Variants in KCNJ11 observed in about 807,000 individuals in gnomAD.
The protein encoded by KCNJ11 is ATP-sensitive inward rectifier potassium channel 11.
KCNJ11 carries 12 observed loss-of-function variants against 17.3 expected under a neutral mutation model. That is an observed-to-expected ratio of 0.69 (90% CI 0.44 to 1.12). The LOEUF (loss-of-function observed/expected upper bound fraction) is 1.12, where lower values mean the gene tolerates loss of function less well. Ranked by LOEUF, KCNJ11 falls within the 50% of genes most tolerant of loss-of-function variation. The pLI is 0.00. For missense variants in KCNJ11, 386 were observed against 554.1 expected, an observed-to-expected ratio of 0.70 and a Z score of 3.05; for synonymous variants, 211 against 223.4, an observed-to-expected ratio of 0.94 and a Z score of 0.50.
upstream of KCNJ11, chr11:17,388,942 G>A (rs1000139070): frequency 1.4e-5 from 6 of 428,074 alleles, no homozygotes; most frequent in Non-Finnish European, 2.8e-5. Flanking sequence ...ACCCCTCCCG[G>A]AGCGCCCCCG....
rs572849559 is a variant in KCNJ11 at position 17,388,239 on chromosome 11, C to T, written c.-148G>A. On this transcript the variant is annotated 5_prime_UTR_variant, in exon 1 of 1. Coordinates refer to ENST00000339994, the MANE Select transcript of KCNJ11 (RefSeq NM_000525.4). The stretch of plus-strand genomic sequence containing the variant: ...TGCTGGCCTCACTTCTGAGATAACT[C>T]CCCACCAGACTCTTCCTTACCTCCA... The T allele has an allele frequency of 3.0e-6, 2 of 667,344 alleles. No individual in the cohort carries two copies. The highest frequency in any genetic ancestry group is 5.2e-6 in the Non-Finnish European group (2 of 384,218). 41.3% of individuals were successfully genotyped at this position (667,344 alleles called of 1,614,324 possible).
Position 17,385,449 on chromosome 11 carries a change from T to C in KCNJ11, c.*1470A>G, listed in dbSNP as rs1268319583. ...GCAACTGAGACACAGAGAGGCTAAGTTACTTGACAAAAGTCATACAGCTAG... is the reference window on the plus strand; with the variant it reads ...GCAACTGAGACACAGAGAGGCTAAGCTACTTGACAAAAGTCATACAGCTAG... On this transcript the variant is annotated 3_prime_UTR_variant, in exon 1 of 1. Transcript: ENST00000339994. Among the ~76,000 whole-genome samples the C allele has an allele frequency of 1.3e-5, 2 of 152,220 alleles. No individual in the cohort carries two copies. Among genetic ancestry groups the C allele is most frequent in the East Asian group, 3.9e-4 (2 of 5,192 alleles).
Position 17,385,343 on chromosome 11 carries a change from T to G in KCNJ11, c.*1576A>C, listed in dbSNP as rs569684578. ...TGAGCACTTACTGTAGACCAGGCAC[T>G]TCAGCATTTTACATATTTTTCATTT... On this transcript the variant is annotated 3_prime_UTR_variant, in exon 1 of 1. Transcript: ENST00000339994. Among the ~76,000 whole-genome samples, 1 of 152,360 alleles carries G rather than the reference T, an allele frequency of 6.6e-6. No homozygotes were observed. Among genetic ancestry groups the G allele is most frequent in the African/African-American group, 2.4e-5 (1 of 41,570 alleles).
At position 17,386,361 on chromosome 11, in the gene KCNJ11, G is replaced by A. The variant is rs534917931; in HGVS notation, c.*558C>T. 1 of 153,544 alleles carries A rather than the reference G, an allele frequency of 6.5e-6. No individual in the cohort carries two copies. The highest frequency in any genetic ancestry group is 1.4e-5 in the Non-Finnish European group (1 of 69,096). The allele number at this position is 153,544 out of a possible 1,614,324, so 9.5% of individuals were successfully genotyped here. A position where few individuals can be genotyped will look rare whatever the true frequency, so the allele number is the denominator to read the frequency against. ...AGACCTGAAACTGGCCCTCGGAGGG[G>A]AGCCCTGTCAGCCCCAGGCTGTCCC... On this transcript the variant is annotated 3_prime_UTR_variant, in exon 1 of 1. Transcript: ENST00000339994.
upstream of KCNJ11, chr11:17,388,980 C>G (rs925945306): frequency 2.5e-6 from 1 of 403,052 alleles, no homozygotes; most frequent in Admixed American, 2.6e-5. Context: ...CTCCAGCTCT[C>G]GTCCTCTCTG....
chr11:17,388,488 G>A lies in KCNJ11; in HGVS notation c.-397C>T, dbSNP rs1953601257. The A allele has an allele frequency of 3.5e-6, 1 of 281,848 alleles. No homozygotes were observed. The highest frequency in any genetic ancestry group is 2.2e-5 in the African/African-American group (1 of 45,448). The allele number at this position is 281,848 out of a possible 1,614,324, so 17.5% of individuals were successfully genotyped here. A position where few individuals can be genotyped will look rare whatever the true frequency, so the allele number is the denominator to read the frequency against. ...CCAGCTACTCAGGAAGCTGAGGCAG[G>A]AGAATCGCTTGAACCCGAGAGGCGG... On this transcript the variant is annotated 5_prime_UTR_variant, in exon 1 of 1. Coordinates refer to ENST00000339994, the MANE Select transcript of KCNJ11 (RefSeq NM_000525.4).
rs777853627 is a variant in KCNJ11, at chr11:17,386,868, C to T, written c.*51G>A. ...CACCAGGCCCTGGCCGGGCTACATACCACATGGTCCGTGTGTACACACGCG... is the reference window on the plus strand; with the variant it reads ...CACCAGGCCCTGGCCGGGCTACATATCACATGGTCCGTGTGTACACACGCG... On this transcript the variant is annotated 3_prime_UTR_variant, in exon 1 of 1. Transcript: ENST00000339994. The T allele has an allele frequency of 6.5e-7, 1 of 1,536,802 alleles. No homozygotes were observed. The highest frequency in any genetic ancestry group is 1.2e-5 in the South Asian group (1 of 81,574).
In KCNJ11 at chr11:17,386,888, C is replaced by T. The variant is rs199834960; in HGVS notation, c.*31G>A. 19 of 1,590,510 alleles carry T rather than the reference C, an allele frequency of 1.2e-5. No individual in the cohort carries two copies. In the East Asian group the frequency reaches 3.8e-4, roughly 32 times the overall value. On this transcript the variant is annotated 3_prime_UTR_variant, in exon 1 of 1. Transcript: ENST00000339994. ...ACATACCACATGGTCCGTGTGTACA[C>T]ACGCGTGTGGGGGGCCCGAGAGACC...
chr11:17,389,082 C>G (rs1387704333), upstream of KCNJ11: 1 of 152,764 alleles, frequency 6.5e-6, no homozygotes, highest in Non-Finnish European at 1.5e-5. Context: ...GGGGCTGACT[C>G]CGAGTCGCGG....
At position 17,388,064 on chromosome 11, in the gene KCNJ11, C is replaced by T. The variant is rs587783667; in HGVS notation, c.28G>A (p.Glu10Lys). 6.2e-7 allele frequency: 1 copy of T among 1,611,924 alleles called. No individual in the cohort carries two copies. The change falls in exon 1 of 1, where the codon GAG becomes AAG. Residue 10 changes from glutamate (E) to lysine (K), a missense_variant. Physicochemically the swap from Glu to Lys is moderately conservative, Grantham distance 56. Transcript: ENST00000339994. ...GCCAGGCGTGTCAGCACGTATTCCT[C>T]GGGGATGATGCCCTTGCGGGACAGC... The part of the protein sequence containing the change: MLSRKGIIP[E>K]EYVLTRLAED...
upstream of KCNJ11, chr11:17,388,787 C>T (rs1326564005): frequency 2.2e-6 from 1 of 455,822 alleles, no homozygotes; most frequent in Non-Finnish European, 4.4e-6. Flanking sequence ...TTAACACCTC[C>T]GGATCTCTCC....
At position 17,386,897 on chromosome 11, in the gene KCNJ11, G is replaced by A. The variant is rs759913615; in HGVS notation, c.*22C>T. On this transcript the variant is annotated 3_prime_UTR_variant, in exon 1 of 1. Transcript: ENST00000339994. Reference sequence around the variant, plus strand: ...ATGGTCCGTGTGTACACACGCGTGTGGGGGGCCCGAGAGACCATGGCTCAG... The same window carrying A: ...ATGGTCCGTGTGTACACACGCGTGTAGGGGGCCCGAGAGACCATGGCTCAG... 6 of 1,600,862 alleles carry A rather than the reference G, an allele frequency of 3.7e-6. No individual in the cohort carries two copies. In the African/African-American group the frequency reaches 6.7e-5, roughly 18 times the overall value.
chr11:17,389,167 G>C (rs1443521050), upstream of KCNJ11: 1 of 149,116 alleles, frequency 6.7e-6, no homozygotes, highest in Admixed American at 6.7e-5. Context: ...CGCCGCCGCC[G>C]CTGCACCTGC....
rs1468279208 is a variant in KCNJ11 at position 17,386,908 on chromosome 11, G to A, written c.*11C>T. On this transcript the variant is annotated 3_prime_UTR_variant, in exon 1 of 1. Transcript: ENST00000339994. ...GTACACACGCGTGTGGGGGGCCCGA[G>A]AGACCATGGCTCAGGACAGGGAATC... 1.9e-6 allele frequency: 3 copies of A among 1,608,914 alleles called. No individual in the cohort carries two copies. Among genetic ancestry groups the A allele is most frequent in the Non-Finnish European group, 1.7e-6 (2 of 1,177,382 alleles).
chr11:17,385,778 G>T lies in KCNJ11; in HGVS notation c.*1141C>A, dbSNP rs1055827102. 2 of 152,288 alleles carry T rather than the reference G, an allele frequency of 1.3e-5. No individual in the cohort carries two copies. The highest frequency in any genetic ancestry group is 4.8e-5 in the African/African-American group (2 of 41,454). 9.4% of individuals were successfully genotyped at this position (152,288 alleles called of 1,614,324 possible). ...CTAGGGTCTATGGCGCCTCTTGAAGGGGGTGGCAGCTGCCAGTCCCTGCCT... is the reference window on the plus strand; with the variant it reads ...CTAGGGTCTATGGCGCCTCTTGAAGTGGGTGGCAGCTGCCAGTCCCTGCCT... On this transcript the variant is annotated 3_prime_UTR_variant, in exon 1 of 1. Transcript: ENST00000339994.
In KCNJ11 at chr11:17,385,379, C is replaced by A. The variant is rs990010346; in HGVS notation, c.*1540G>T. ...ACATATTTTTCATTTACTTCCAAAA[C>A]AATTCTATGAGGTAGGTACTATTAG... On this transcript the variant is annotated 3_prime_UTR_variant, in exon 1 of 1. Transcript: ENST00000339994. Among the ~76,000 whole-genome samples, 1 of 152,204 alleles carries A rather than the reference C, an allele frequency of 6.6e-6. No individual in the cohort carries two copies. The highest frequency in any genetic ancestry group is 6.5e-5 in the Admixed American group (1 of 15,288).
chr11:17,388,128 G>A lies in KCNJ11; in HGVS notation c.-37C>T, dbSNP rs753392628. The A allele has an allele frequency of 9.4e-6, 15 of 1,592,958 alleles. No individual in the cohort carries two copies. Among genetic ancestry groups the A allele is most frequent in the Admixed American group, 1.7e-5 (1 of 59,746 alleles). ...CCCCCAGGGAGGGGCTTCCCCCATC[G>A]GAGGCACCCCTCGGACGTGGCCTAG... On this transcript the variant is annotated 5_prime_UTR_variant, in exon 1 of 1. Coordinates refer to ENST00000339994, the MANE Select transcript of KCNJ11 (RefSeq NM_000525.4).
chr11:17,385,719 G>A lies in KCNJ11; in HGVS notation c.*1200C>T, dbSNP rs1269153756. ...AAGTCCCCCTGAACTGGTGGAAGAGGTGCCAGCCTTCCGTCCCTCCCCTGC... is the reference window on the plus strand; with the variant it reads ...AAGTCCCCCTGAACTGGTGGAAGAGATGCCAGCCTTCCGTCCCTCCCCTGC... On this transcript the variant is annotated 3_prime_UTR_variant, in exon 1 of 1. Coordinates refer to ENST00000339994, the MANE Select transcript of KCNJ11 (RefSeq NM_000525.4). The A allele has an allele frequency of 1.3e-5, 2 of 152,556 alleles. No individual in the cohort carries two copies. The highest frequency in any genetic ancestry group is 2.4e-5 in the African/African-American group (1 of 41,462). 9.5% of individuals were successfully genotyped at this position (152,556 alleles called of 1,614,324 possible).
chr11:17,386,785 C>CT lies in KCNJ11; in HGVS notation c.*133dup. On this transcript the variant is annotated 3_prime_UTR_variant, in exon 1 of 1. Coordinates refer to ENST00000339994, the MANE Select transcript of KCNJ11 (RefSeq NM_000525.4). ...CCAGAAATAGCATAGTGACAAGTGCCTTGTAACACCCTGGATGAGCAGCAG... is the reference window on the plus strand; with the variant it reads ...CCAGAAATAGCATAGTGACAAGTGCCTTTGTAACACCCTGGATGAGCAGCAG... 3 of 749,922 alleles carry CT rather than the reference C, an allele frequency of 4.0e-6. No individual in the cohort carries two copies. Among genetic ancestry groups the CT allele is most frequent in the Non-Finnish European group, 6.5e-6 (3 of 463,210 alleles). 46.5% of individuals were successfully genotyped at this position (749,922 alleles called of 1,614,324 possible).
Sources: allele counts gnomAD v4.1 joint callset (sites outside exome capture counted in the v4.1 genomes callset), GRCh38; gene constraint gnomAD v4.1.1; transcripts MANE v1.5; gene names NCBI Gene and HGNC (gene_info 2026-07-23, HGNC 2026-07-21).